Variants in TSPAN7 observed in about 807,000 individuals in gnomAD.
TSPAN7 encodes tetraspanin-7.
In TSPAN7, 1 loss-of-function variant was observed where a neutral mutation model predicts 17.6. The observed-to-expected ratio is 0.06, with a 90% CI of 0.02 to 0.27. TSPAN7 has a LOEUF of 0.27. TSPAN7 is among the 10% of genes least tolerant of loss of function. The pLI is 1.00. For missense variants in TSPAN7, 112 were observed against 201.7 expected (o/e 0.56, Z 2.69); for synonymous variants, 78 against 79.0 (o/e 0.99, Z 0.07).
intron 1 of TSPAN7, among the ~76,000 whole-genome samples, chrX:38,607,957 C>T (rs977972093): frequency 9.0e-6 from 1 of 110,541 alleles, no homozygotes; most frequent in Admixed American, 9.6e-5. Context: ...AGCTGTTTCC[C>T]GGGCACCCCC....
chrX:38,579,959 T>A (rs2069219717), intron 1 of TSPAN7, among the ~76,000 whole-genome samples: 1 of 112,632 alleles, frequency 8.9e-6, no homozygotes, highest in Admixed American at 9.4e-5. Flanking sequence ...ATAATGATTA[T>A]ACAGTATTTT....
At chrX:38,622,710 A>G (rs1388093014) in intron 1 of TSPAN7, among the ~76,000 whole-genome samples, 13 of 112,301 alleles carry the variant, frequency 1.2e-4, no homozygotes, top group African/African-American at 4.2e-4. Flanking sequence ...AGTAGAATGT[A>G]AAGTAAGCCC....
At chrX:38,657,927 A>G (rs1332223907) in intron 1 of TSPAN7, among the ~76,000 whole-genome samples, 1 of 112,039 alleles carries the variant, frequency 8.9e-6, no homozygotes, top group Non-Finnish European at 1.9e-5. Flanking sequence ...ATACCTTGTT[A>G]GACAATCTGC....
chrX:38,637,533 G>C (rs938593893), intron 1 of TSPAN7, among the ~76,000 whole-genome samples: 2 of 112,351 alleles, frequency 1.8e-5, no homozygotes, highest in Admixed American at 1.9e-4. Flanking sequence ...CTTAGTTATT[G>C]TTGAGGCTGC....
chrX:38,663,579 G>C (rs1404291069), intron 1 of TSPAN7, among the ~76,000 whole-genome samples: 1 of 112,245 alleles, frequency 8.9e-6, no homozygotes, highest in African/African-American at 3.2e-5. Flanking sequence ...TGAAAATGGA[G>C]TATTTGTGTA....
chrX:38,665,528 G>A lies in TSPAN7; in HGVS notation c.82-593G>A, dbSNP rs749819687. ...ACTGATCAGTGGGATTTGGCAAATCGCATTACAGCTAATTCCAGGAACTAT... is the reference window on the plus strand; with the variant it reads ...ACTGATCAGTGGGATTTGGCAAATCACATTACAGCTAATTCCAGGAACTAT... On this transcript the variant is annotated intron_variant, in intron 1 of 7. Transcript: ENST00000378482. Among the ~76,000 whole-genome samples the A allele has an allele frequency of 1.1e-4, 12 of 112,194 alleles. No homozygotes were observed. In the South Asian group the frequency reaches 3.7e-3, roughly 35 times the overall value.
At chrX:38,651,316 T>A (rs1042166529) in intron 1 of TSPAN7, among the ~76,000 whole-genome samples, 2 of 109,858 alleles carry the variant, frequency 1.8e-5, no homozygotes, top group Non-Finnish European at 3.8e-5. Context: ...ATACAAAAAA[T>A]TAGCCGGGCG....
At chrX:38,623,865 C>T (rs1449170895) in intron 1 of TSPAN7, among the ~76,000 whole-genome samples, 1 of 107,295 alleles carries the variant, frequency 9.3e-6, no homozygotes, top group Non-Finnish European at 1.9e-5. Flanking sequence ...TCTTTATTTC[C>T]TAAATTATGC....
chrX:38,643,722 G>A lies in TSPAN7; in HGVS notation c.82-22399G>A, dbSNP rs912023690. On this transcript the variant is annotated intron_variant, in intron 1 of 7. Coordinates refer to ENST00000378482, the MANE Select transcript of TSPAN7 (RefSeq NM_004615.4). ...TAGCCAGATGTGGTGGCGGGTGCCTGTAGTCCCAGCTACTCAGGAGGCTGA... is the reference window on the plus strand; with the variant it reads ...TAGCCAGATGTGGTGGCGGGTGCCTATAGTCCCAGCTACTCAGGAGGCTGA... Among the ~76,000 whole-genome samples, 5 of 107,656 alleles carry A rather than the reference G, an allele frequency of 4.6e-5. No homozygotes were observed. The East Asian group carries it at 1.4e-3, about 31-fold the overall frequency. 93.5% of individuals were successfully genotyped at this position (107,656 alleles called of 115,157 possible).
chrX:38,675,943 A>G, intron 5 of TSPAN7, 83 bp downstream of exon 5: 1 of 1,086,708 alleles, frequency 9.2e-7, no homozygotes. Flanking sequence ...TATGACAAAT[A>G]GATTTGAAAT....
chrX:38,625,876 T>A (rs1428724151), intron 1 of TSPAN7, among the ~76,000 whole-genome samples: 1 of 112,104 alleles, frequency 8.9e-6, no homozygotes, highest in Non-Finnish European at 1.9e-5. Context: ...CTGTGGGAAC[T>A]TCGTGGGACC....
intron 1 of TSPAN7, among the ~76,000 whole-genome samples, chrX:38,628,773 T>G (rs28583656): frequency 1.8e-5 from 2 of 111,839 alleles, no homozygotes; most frequent in South Asian, 7.5e-4. Flanking sequence ...TACCAGGTAT[T>G]TGTTTTTGGG....
intron 6 of TSPAN7, 35 bp from the exon 7 acceptor site, chrX:38,687,564 G>A (rs759345540): frequency 8.4e-7 from 1 of 1,188,437 alleles, no homozygotes; most frequent in Non-Finnish European, 1.1e-6. Context: ...TCGGTGACTT[G>A]AGATTCTCAT....
At chrX:38,686,191 C>T (rs776655528) in intron 6 of TSPAN7, among the ~76,000 whole-genome samples, 2 of 112,231 alleles carry the variant, frequency 1.8e-5, no homozygotes, top group Admixed American at 9.5e-5. Flanking sequence ...GGAGATAGAA[C>T]GAGTCCAATA....
intron 1 of TSPAN7, among the ~76,000 whole-genome samples, chrX:38,576,101 T>C (rs1278437679): frequency 1.8e-5 from 2 of 112,284 alleles, no homozygotes; most frequent in Admixed American, 1.9e-4. Context: ...GAAAGCAGCA[T>C]AGACAATATG....
At chrX:38,592,741 T>C (rs755677235) in intron 1 of TSPAN7, among the ~76,000 whole-genome samples, 21 of 110,936 alleles carry the variant, frequency 1.9e-4, no homozygotes, top group Non-Finnish European at 3.2e-4. Context: ...TTTTTGTGGG[T>C]ACATTGTAGG....
At chrX:38,599,850 G>A (rs1158665187) in intron 1 of TSPAN7, among the ~76,000 whole-genome samples, 1 of 111,981 alleles carries the variant, frequency 8.9e-6, no homozygotes, top group Non-Finnish European at 1.9e-5. Flanking sequence ...ATTTGAAAAT[G>A]ATTTTGTTTT....
intron 1 of TSPAN7, chrX:38,646,247 A>G: frequency 1.7e-6 from 2 of 1,148,937 alleles, no homozygotes; most frequent in South Asian, 3.8e-5. Context: ...CTTTTGTATT[A>G]CATGTTCATA....
Position 38,664,176 on chromosome X carries a change from C to T in TSPAN7, c.82-1945C>T, listed in dbSNP as rs750574677. 9.8e-5 allele frequency among the ~76,000 whole-genome samples: 11 copies of T among 111,962 alleles called. No individual in the cohort carries two copies. The East Asian group carries it at 1.1e-3, about 11-fold the overall frequency. On this transcript the variant is annotated intron_variant, in intron 1 of 7. Transcript: ENST00000378482. ...ATTTACCAGATGTAGAAGTTGTGTA[C>T]GTATGTGGTATCTGATAAGCTCTGT...
Sources: gnomAD v4.1 joint callset for allele counts (sites outside exome capture counted in the v4.1 genomes callset) on GRCh38, gnomAD v4.1.1 for gene constraint, MANE v1.5 for transcripts, NCBI Gene and HGNC (gene_info 2026-07-23, HGNC 2026-07-21) for gene names.